Variants in IQUB observed in about 807,000 individuals in gnomAD.
The protein encoded by IQUB is IQ motif and ubiquitin-like domain-containing protein.
A neutral mutation model predicts 86.4 loss-of-function variants in IQUB; 86 were observed. The observed-to-expected ratio is 1.00, with a 90% CI of 0.84 to 1.19. The LOEUF is 1.19. IQUB is among the 50% of genes most tolerant of loss of function. The pLI is 0.00. For synonymous variants in IQUB, 289 were observed against 304.5 expected, an observed-to-expected ratio of 0.95 and a Z score of 0.53; for missense variants, 946 against 916.9, an observed-to-expected ratio of 1.03 and a Z score of -0.41.
chr7:123,524,078 C>A (rs1006578430), intron 1 of IQUB, among the ~76,000 whole-genome samples: 1 of 146,588 alleles, frequency 6.8e-6, no homozygotes, highest in Admixed American at 6.8e-5. Flanking sequence ...TGTTTTGGTA[C>A]CAGTACCATG....
Position 123,459,528 on chromosome 7 carries a change from A to G in IQUB, c.2007+1829T>C, listed in dbSNP as rs2116956603. On this transcript the variant is annotated intron_variant, in intron 11 of 12. Transcript: ENST00000324698. Reference sequence around the variant, plus strand: ...TGAGACACTGGCTCCTCCTGGCTCTATAGCAGCCTGCTGGTCATCAGACTT... The same window carrying G: ...TGAGACACTGGCTCCTCCTGGCTCTGTAGCAGCCTGCTGGTCATCAGACTT... 2.0e-5 allele frequency among the ~76,000 whole-genome samples: 3 copies of G among 152,162 alleles called. No individual in the cohort carries two copies. In the Middle Eastern group the frequency reaches 0.01, roughly 518 times the overall value.
At chr7:123,528,191 A>C (rs913959824) in intron 1 of IQUB, among the ~76,000 whole-genome samples, 2 of 152,042 alleles carry the variant, frequency 1.3e-5, no homozygotes, top group African/African-American at 4.8e-5. Context: ...CGGTGCACGC[A>C]CCCACTGACC....
chr7:123,510,114 G>T, intron 2 of IQUB, 79 bp from the exon 3 acceptor site: 1 of 852,814 alleles, frequency 1.2e-6, no homozygotes, highest in Non-Finnish European at 1.8e-6. Flanking sequence ...AACAGATACA[G>T]AATTATGTGT....
At chr7:123,492,218 C>G (rs1408581390) in intron 7 of IQUB, among the ~76,000 whole-genome samples, 2 of 152,084 alleles carry the variant, frequency 1.3e-5, no homozygotes, top group Non-Finnish European at 2.9e-5. Flanking sequence ...GTTATAGTAG[C>G]CTGAATGGAC....
chr7:123,477,918 G>T (rs535211879), intron 8 of IQUB, among the ~76,000 whole-genome samples: 1 of 152,052 alleles, frequency 6.6e-6, no homozygotes, highest in East Asian at 1.9e-4. Context: ...TTAGAATGGC[G>T]ATCATTAAAA....
chr7:123,472,416 T>C (rs1278424688), intron 8 of IQUB, among the ~76,000 whole-genome samples: 1 of 152,196 alleles, frequency 6.6e-6, no homozygotes, highest in Non-Finnish European at 1.5e-5. Flanking sequence ...GATAAAATAC[T>C]ATCCTGGTTT....
At position 123,459,434 on chromosome 7, in the gene IQUB, C is replaced by G. The variant is rs565847581; in HGVS notation, c.2008-1868G>C. Among the ~76,000 whole-genome samples, 14 of 152,022 alleles carry G rather than the reference C, an allele frequency of 9.2e-5. 1 individual carries two copies. In the East Asian group the frequency reaches 2.7e-3, roughly 29 times the overall value. On this transcript the variant is annotated intron_variant, in intron 11 of 12. Transcript: ENST00000324698. ...GGGCTTTATCCAATCAGTTGAAGGC[C>G]TGAATAGAACAAAAAGTTCACCCTG...
intron 1 of IQUB, among the ~76,000 whole-genome samples, chr7:123,524,933 G>A (rs1170469902): frequency 1.3e-5 from 2 of 151,680 alleles, no homozygotes; most frequent in Non-Finnish European, 2.9e-5. Context: ...TTTGTCAAAG[G>A]CCTTTTCTGC....
intron 8 of IQUB, among the ~76,000 whole-genome samples, chr7:123,478,570 T>TA (rs537646372): frequency 6.1e-4 from 92 of 151,622 alleles, no homozygotes; most frequent in African/African-American, 2.0e-3. Flanking sequence ...TAAAGTGTAA[T>TA]AAAAAAAAGA....
intron 5 of IQUB, 84 bp from the exon 6 acceptor site, chr7:123,502,836 C>A: frequency 1.5e-6 from 2 of 1,369,438 alleles, no homozygotes; most frequent in Non-Finnish European, 2.0e-6. Context: ...AGTTCATTTT[C>A]TTTTATTAAT....
chr7:123,458,457 A>G (rs1264112955), intron 11 of IQUB, among the ~76,000 whole-genome samples: 1 of 152,066 alleles, frequency 6.6e-6, no homozygotes, highest in African/African-American at 2.4e-5. Context: ...ACAGTATTTC[A>G]TAAATTGGTA....
intron 7 of IQUB, among the ~76,000 whole-genome samples, chr7:123,488,823 C>T (rs948681219): frequency 6.6e-6 from 1 of 152,050 alleles, no homozygotes; most frequent in African/African-American, 2.4e-5. Flanking sequence ...ATATATCCAC[C>T]AGAAAACATA....
chr7:123,494,083 A>T (rs1795608516), intron 7 of IQUB, among the ~76,000 whole-genome samples: 1 of 152,080 alleles, frequency 6.6e-6, no homozygotes, highest in African/African-American at 2.4e-5. Context: ...AAACAACCCC[A>T]ATTATTCTAT....
chr7:123,485,269 T>C (rs1422560761), intron 7 of IQUB, among the ~76,000 whole-genome samples: 1 of 152,136 alleles, frequency 6.6e-6, no homozygotes, highest in African/African-American at 2.4e-5. Context: ...TCTTCTGGTA[T>C]CTTCATATGA....
chr7:123,461,715 A>AT, intron 10 of IQUB, 110 bp from the exon 11 acceptor site: 2 of 967,338 alleles, frequency 2.1e-6, no homozygotes, highest in Non-Finnish European at 2.8e-6. Flanking sequence ...TTAGAATGAG[A>AT]TTTAAAAAAA....
In IQUB at chr7:123,452,803, T is replaced by C. The variant is rs752844906; in HGVS notation, c.2316A>G (p.Arg772=). The change falls in exon 13 of 13, where the codon AGA becomes AGG. Residue 772 remains arginine, a synonymous_variant. Coordinates refer to ENST00000324698, the MANE Select transcript of IQUB (RefSeq NM_178827.5). The part of the protein sequence containing the change: ...ILDDGEIDEI[R]WKYHSDTTPK... ...GTGTTGTGTCTGAGTGATACTTCCA[T>C]CTGATCTCATCAATTTCACCATCAT... 1.9e-6 allele frequency: 3 copies of C among 1,613,714 alleles called. No individual in the cohort carries two copies. The Middle Eastern group carries it at 5.0e-4, about 267-fold the overall frequency.
intron 12 of IQUB, among the ~76,000 whole-genome samples, chr7:123,453,461 G>GAATA (rs1449877100): frequency 6.7e-6 from 1 of 149,694 alleles, no homozygotes; most frequent in African/African-American, 2.4e-5. Context: ...ATATATAATT[G>GAATA]AATAAAGCCT....
intron 9 of IQUB, 121 bp from the exon 10 acceptor site, chr7:123,465,130 G>A: frequency 1.6e-6 from 1 of 644,058 alleles, no homozygotes; most frequent in Non-Finnish European, 2.7e-6. Flanking sequence ...GTCAATAGGA[G>A]TATAAATTGG....
At chr7:123,522,903 T>TC (rs939063352) in intron 1 of IQUB, among the ~76,000 whole-genome samples, 16 of 136,630 alleles carry the variant, frequency 1.2e-4, no homozygotes, top group African/African-American at 4.1e-4. Flanking sequence ...CCTTCCAGTG[T>TC]CCATGTGTTC....
Sources: gnomAD v4.1 joint callset for allele counts (sites outside exome capture counted in the v4.1 genomes callset) on GRCh38, gnomAD v4.1.1 for gene constraint, MANE v1.5 for transcripts, NCBI Gene and HGNC (gene_info 2026-07-23, HGNC 2026-07-21) for gene names.